The following CSMD1 variants were observed in gnomAD, a reference collection of about 807,000 sequenced individuals.
CSMD1 encodes CUB and sushi domain-containing protein 1.
CSMD1 carries 213 observed loss-of-function variants against 417.5 expected under a neutral mutation model. That is an observed-to-expected ratio of 0.51 (90% confidence interval 0.46 to 0.57). The LOEUF is 0.57. CSMD1 is among the 20% of genes least tolerant of loss of function. CSMD1 has a pLI of 0.00. For missense variants in CSMD1, 6,923 were observed against 4,529.7 expected, an observed-to-expected ratio of 1.53 and a Z score of -15.17; for synonymous variants, 2,862 against 1,736.8, an observed-to-expected ratio of 1.65 and a Z score of -16.11.
chr8:4,470,739 A>C (rs1424921510), intron 2 of CSMD1, among the ~76,000 whole-genome samples: 1 of 152,212 alleles, frequency 6.6e-6, no homozygotes, highest in Non-Finnish European at 1.5e-5. Flanking sequence ...AACACAGAAA[A>C]ACACCATGAA....
intron 3 of CSMD1, among the ~76,000 whole-genome samples, chr8:4,270,448 G>C (rs1432965189): frequency 3.3e-5 from 5 of 152,180 alleles, no homozygotes; most frequent in African/African-American, 9.6e-5. Context: ...TATTTTCAAA[G>C]ATCACAGAGA....
intron 3 of CSMD1, among the ~76,000 whole-genome samples, chr8:4,067,544 C>G (rs6980495): frequency 0.43 from 64,572 of 151,790 alleles, 14,486 homozygotes; most frequent in Non-Finnish European, 0.47. Flanking sequence ...TATAGCTTTA[C>G]ATGTACCTAA....
chr8:3,149,631 C>A (rs182295040), intron 40 of CSMD1, among the ~76,000 whole-genome samples: 36 of 152,308 alleles, frequency 2.4e-4, no homozygotes, highest in Admixed American at 4.6e-4. Flanking sequence ...GCAAGTGCCA[C>A]CATGCCCAGC....
intron 26 of CSMD1, among the ~76,000 whole-genome samples, chr8:3,252,072 G>T (rs1292939934): frequency 6.6e-6 from 1 of 152,086 alleles, no homozygotes; most frequent in African/African-American, 2.4e-5. Flanking sequence ...CTGCCTGATT[G>T]CCCTGGCCAG....
chr8:3,674,202 C>G (rs924275280), intron 7 of CSMD1, among the ~76,000 whole-genome samples: 1 of 152,310 alleles, frequency 6.6e-6, no homozygotes, highest in South Asian at 2.1e-4. Flanking sequence ...CCTGAGTTGT[C>G]TCTAGAATTA....
chr8:3,385,641 A>T lies in CSMD1; in HGVS notation c.2782+1853T>A, dbSNP rs78818153. On this transcript the variant is annotated intron_variant, in intron 18 of 69. Transcript: ENST00000635120. ...TTAATTATGGTGTTTTCTGTAGGCA[A>T]ATTCACTTATATGACGGTTCTCTGT... 5.5e-3 allele frequency among the ~76,000 whole-genome samples: 834 copies of T among 152,242 alleles called. 8 individuals are homozygous for T. Among genetic ancestry groups the T allele is most frequent in the African/African-American group, 0.019 (796 of 41,538 alleles).
intron 2 of CSMD1, among the ~76,000 whole-genome samples, chr8:4,454,675 G>A (rs1237442148): frequency 1.3e-5 from 2 of 152,170 alleles, no homozygotes; most frequent in East Asian, 1.9e-4. Flanking sequence ...TATTATCTTA[G>A]CATGTTCTCT....
chr8:4,044,571 G>T (rs1365900685), intron 3 of CSMD1, among the ~76,000 whole-genome samples: 1 of 152,148 alleles, frequency 6.6e-6, no homozygotes, highest in Non-Finnish European at 1.5e-5. Flanking sequence ...GCAGAGCTCG[G>T]TCACCGGAAG....
In CSMD1 at chr8:3,150,354, T is replaced by A. The variant is rs112229118; in HGVS notation, c.6031+1043A>T. ...CTTCCACAGTCCTCCTCTTTTCTTGTGGAACAGTCATGTTGGTCAACTGCA... is the reference window on the plus strand; with the variant it reads ...CTTCCACAGTCCTCCTCTTTTCTTGAGGAACAGTCATGTTGGTCAACTGCA... On this transcript the variant is annotated intron_variant, in intron 40 of 69. Transcript: ENST00000635120. Among the ~76,000 whole-genome samples the A allele has an allele frequency of 4.0e-3, 612 of 152,278 alleles. 15 individuals carry two copies. Among genetic ancestry groups the A allele is most frequent in the African/African-American group, 0.014 (585 of 41,554 alleles).
chr8:4,777,024 A>G (rs1187927989), intron 1 of CSMD1, among the ~76,000 whole-genome samples: 1 of 152,224 alleles, frequency 6.6e-6, no homozygotes, highest in Admixed American at 6.5e-5. Context: ...TCTATCTAGT[A>G]AAGTTCGGTG....
intron 2 of CSMD1, among the ~76,000 whole-genome samples, chr8:4,568,328 T>G (rs1049746538): frequency 1.3e-5 from 2 of 152,142 alleles, no homozygotes; most frequent in Non-Finnish European, 2.9e-5. Context: ...CCTGTGTCCC[T>G]GTGTTCTCAT....
intron 3 of CSMD1, among the ~76,000 whole-genome samples, chr8:4,292,149 A>T (rs979584759): frequency 5.3e-5 from 8 of 152,150 alleles, no homozygotes; most frequent in Admixed American, 4.6e-4. Flanking sequence ...TATGAAAATG[A>T]CCCAGGTGAG....
chr8:4,844,311 A>G (rs1801010329), intron 1 of CSMD1, among the ~76,000 whole-genome samples: 1 of 152,186 alleles, frequency 6.6e-6, no homozygotes, highest in African/African-American at 2.4e-5. Context: ...ATCAGTAGAT[A>G]GTGCCGTTAT....
At chr8:4,171,525 G>A (rs1797763223) in intron 3 of CSMD1, among the ~76,000 whole-genome samples, 1 of 151,564 alleles carries the variant, frequency 6.6e-6, no homozygotes, top group East Asian at 1.9e-4. Flanking sequence ...AGTTTCTTTA[G>A]TTGACACTTA....
rs141935482 is a variant in CSMD1, at chr8:3,379,848, C to T, written c.2782+7646G>A. 4.5e-3 allele frequency among the ~76,000 whole-genome samples: 688 copies of T among 152,294 alleles called. 4 individuals are homozygous for T. The highest frequency in any genetic ancestry group is 0.016 in the African/African-American group (660 of 41,562). ...AGGACATAGGCATGGGCAAGGACTT[C>T]ATGACTAAAACACCAAAAAGCAATG... is the stretch of plus-strand genomic sequence containing the variant. On this transcript the variant is annotated intron_variant, in intron 18 of 69. Transcript: ENST00000635120.
Position 2,973,233 on chromosome 8 carries a change from A to G in CSMD1, c.8807T>C (p.Phe2936Ser). The change falls in exon 57 of 70, where the codon TTT becomes TCT. Residue 2936 changes from phenylalanine (F) to serine (S), a missense_variant. Transcript: ENST00000635120. ...PAHGSRLGDDFKTKSLLRFSC... is the reference protein window; with the variant it reads ...PAHGSRLGDDSKTKSLLRFSC... ...GAAGCGGAGAAGACTCTTTGTCTTA[A>G]AGTCATCACCAAGCCGAGACCCATG... 1.2e-6 allele frequency: 2 copies of G among 1,613,962 alleles called. No homozygotes were observed. Among genetic ancestry groups the G allele is most frequent in the Non-Finnish European group, 1.7e-6 (2 of 1,179,862 alleles).
At chr8:4,188,218 A>C (rs1273829682) in intron 3 of CSMD1, among the ~76,000 whole-genome samples, 4 of 152,124 alleles carry the variant, frequency 2.6e-5, no homozygotes, top group African/African-American at 9.7e-5. Context: ...TACATGATGT[A>C]AAATTTGACT....
chr8:3,344,166 G>C (rs1807839116), intron 22 of CSMD1, among the ~76,000 whole-genome samples: 1 of 152,184 alleles, frequency 6.6e-6, no homozygotes, highest in Non-Finnish European at 1.5e-5. Context: ...TCAGTCATGG[G>C]TTCCCAACTA....
intron 6 of CSMD1, among the ~76,000 whole-genome samples, chr8:3,731,775 C>A (rs888609289): frequency 1.3e-5 from 2 of 152,102 alleles, no homozygotes; most frequent in Non-Finnish European, 1.5e-5. Flanking sequence ...TTAATGGTAA[C>A]AGCATTAAGT....
Sources: gnomAD v4.1 joint callset for allele counts (sites outside exome capture counted in the v4.1 genomes callset) on GRCh38, gnomAD v4.1.1 for gene constraint, MANE v1.5 for transcripts, NCBI Gene and HGNC (gene_info 2026-07-23, HGNC 2026-07-21) for gene names.